Variants in ROBO2 observed in about 807,000 individuals in gnomAD.
ROBO2 encodes roundabout guidance receptor 2.
ROBO2 carries 53 observed loss-of-function variants against 160.8 expected under a neutral mutation model. The observed-to-expected ratio is 0.33, with a 90% CI of 0.26 to 0.41. ROBO2 has a LOEUF of 0.41. Ranked by LOEUF, ROBO2 falls within the 10% of genes least tolerant of loss-of-function variation. ROBO2 has a pLI of 1.00. For synonymous variants in ROBO2, 664 were observed against 611.7 expected (o/e 1.09, Z -1.26); for missense variants, 1,577 against 1,722.4 (o/e 0.92, Z 1.49).
intron 2 of ROBO2, among the ~76,000 whole-genome samples, chr3:76,575,472 G>T (rs1380524174): frequency 2.0e-5 from 3 of 151,846 alleles, no homozygotes; most frequent in Admixed American, 2.0e-4. Context: ...TAATTATACG[G>T]TTTTTGAAAA....
At chr3:75,989,770 G>C (rs1262870288) in intron 2 of ROBO2, among the ~76,000 whole-genome samples, 2 of 152,184 alleles carry the variant, frequency 1.3e-5, no homozygotes, top group Non-Finnish European at 2.9e-5. Flanking sequence ...TATAAGAGGG[G>C]CTGCAGATAG....
intron 2 of ROBO2, among the ~76,000 whole-genome samples, chr3:76,149,967 ATGTCTAAAGCACACATC>A (rs1483674440): frequency 2.1e-4 from 9 of 42,490 alleles, no homozygotes; most frequent in Admixed American, 1.1e-3. Flanking sequence ...CACACATCAT[ATGTCTAAAGCACACATC>A]TGTCTAAAGC....
chr3:76,619,024 AAG>A (rs2088829882), intron 2 of ROBO2, among the ~76,000 whole-genome samples: 3 of 151,748 alleles, frequency 2.0e-5, no homozygotes, highest in Admixed American at 1.3e-4. Context: ...TTTAAGTTAA[AAG>A]AGAGAGTGAG....
intron 2 of ROBO2, among the ~76,000 whole-genome samples, chr3:76,114,841 G>C (rs1263610425): frequency 6.6e-6 from 1 of 152,060 alleles, no homozygotes; most frequent in Non-Finnish European, 1.5e-5. Context: ...AGATACTGAA[G>C]TATCACTTTT....
chr3:77,307,104 G>A (rs191847525), intron 2 of ROBO2, among the ~76,000 whole-genome samples: 9 of 152,178 alleles, frequency 5.9e-5, no homozygotes, highest in Admixed American at 3.3e-4. Flanking sequence ...TGAGAAATAG[G>A]GCACTTTCTG....
At chr3:76,169,939 C>T (rs976467136) in intron 2 of ROBO2, among the ~76,000 whole-genome samples, 12 of 152,150 alleles carry the variant, frequency 7.9e-5, no homozygotes, top group East Asian at 3.9e-4. Flanking sequence ...CGCCACCATG[C>T]GTGGCTAATT....
intron 2 of ROBO2, among the ~76,000 whole-genome samples, chr3:77,224,671 T>G (rs976866206): frequency 2.0e-5 from 3 of 151,910 alleles, no homozygotes; most frequent in Non-Finnish European, 4.4e-5. Context: ...TTTTTGTTTT[T>G]GTTTTATTTT....
At chr3:77,038,722 C>T (rs2063785776), upstream of ROBO2, among the ~76,000 whole-genome samples, 1 of 152,156 alleles carries the variant, frequency 6.6e-6, no homozygotes, top group Non-Finnish European at 1.5e-5. Context: ...ACCGGGGCAC[C>T]GCCGACACCG....
intron 2 of ROBO2, among the ~76,000 whole-genome samples, chr3:76,882,517 AC>A (rs201060081): frequency 2.9e-3 from 434 of 150,930 alleles, no homozygotes; most frequent in Non-Finnish European, 4.9e-3. Flanking sequence ...TTTTAAAAAC[AC>A]TTTTTTTTTT....
At position 77,328,460 on chromosome 3, in the gene ROBO2, G is replaced by A. The variant is rs561726888; in HGVS notation, c.389-148954G>A. ...AAGCCAGAATTAATTGACTACCAGC[G>A]TCTAACCAAACCTAAAGTTCTAATC... On this transcript the variant is annotated intron_variant, in intron 2 of 25. Transcript: ENST00000461745. Among the ~76,000 whole-genome samples, 6 of 152,252 alleles carry A rather than the reference G, an allele frequency of 3.9e-5. No homozygotes were observed. In the South Asian group the frequency reaches 1.0e-3, roughly 26 times the overall value.
chr3:75,907,032 C>G (rs1206317230), intron 1 of ROBO2: 2 of 152,434 alleles, frequency 1.3e-5, no homozygotes, highest in Non-Finnish European at 2.9e-5. Context: ...TGCTCAGCTC[C>G]CCCAAGCGCT....
At chr3:77,326,217 T>G (rs2065373530) in intron 2 of ROBO2, among the ~76,000 whole-genome samples, 1 of 152,172 alleles carries the variant, frequency 6.6e-6, no homozygotes, top group South Asian at 2.1e-4. Flanking sequence ...AATACTTACT[T>G]TAACACAGTA....
At chr3:77,365,773 A>G (rs923334735) in intron 2 of ROBO2, among the ~76,000 whole-genome samples, 2 of 152,168 alleles carry the variant, frequency 1.3e-5, no homozygotes, top group East Asian at 3.9e-4. Flanking sequence ...GGTATAGCCC[A>G]GAGTAAACTA....
At chr3:77,105,818 A>G (rs955739974) in intron 2 of ROBO2, among the ~76,000 whole-genome samples, 8 of 152,124 alleles carry the variant, frequency 5.3e-5, no homozygotes, top group Non-Finnish European at 1.2e-4. Context: ...CTACTTTTCA[A>G]AAATTTATTC....
intron 2 of ROBO2, among the ~76,000 whole-genome samples, chr3:76,984,744 GA>G (rs895889912): frequency 2.6e-5 from 4 of 151,492 alleles, no homozygotes; most frequent in Admixed American, 2.0e-4. Context: ...AACAGTATTA[GA>G]AAAATTAAAA....
intron 6 of ROBO2, among the ~76,000 whole-genome samples, chr3:77,530,007 T>G (rs1383604000): frequency 2.0e-5 from 3 of 151,914 alleles, no homozygotes; most frequent in African/African-American, 7.2e-5. Context: ...GGTCAAAAAG[T>G]ATAAGCCAAG....
At chr3:76,025,736 AG>A (rs1380691142) in intron 2 of ROBO2, among the ~76,000 whole-genome samples, 2 of 151,832 alleles carry the variant, frequency 1.3e-5, no homozygotes, top group Non-Finnish European at 1.5e-5. Context: ...GGCCATCTTC[AG>A]TAATTCTACC....
chr3:76,117,125 G>T (rs2070504999), intron 2 of ROBO2, among the ~76,000 whole-genome samples: 1 of 152,192 alleles, frequency 6.6e-6, no homozygotes, highest in South Asian at 2.1e-4. Flanking sequence ...ATAGGTAGGT[G>T]TTAATGGTGT....
At chr3:77,619,271 G>T (rs2094849091) in intron 22 of ROBO2, among the ~76,000 whole-genome samples, 1 of 152,112 alleles carries the variant, frequency 6.6e-6, no homozygotes, top group Admixed American at 6.5e-5. Context: ...TTAGAGGGCA[G>T]TCCCCAAGAC....
Sources: allele counts gnomAD v4.1 joint callset (sites outside exome capture counted in the v4.1 genomes callset), GRCh38; gene constraint gnomAD v4.1.1; transcripts MANE v1.5; gene names NCBI Gene and HGNC (gene_info 2026-07-23, HGNC 2026-07-21).